Variants in MACROD2 observed in about 807,000 individuals in gnomAD.
MACROD2 encodes the protein ADP-ribose glycohydrolase MACROD2.
A neutral mutation model predicts 70.4 loss-of-function variants in MACROD2; 36 were observed. The ratio of observed to expected loss-of-function variants is 0.51; its 90% CI spans 0.39 to 0.68. The LOEUF (loss-of-function observed/expected upper bound fraction) is 0.68, where lower values mean the gene tolerates loss of function less well. MACROD2 is among the 30% of genes least tolerant of loss of function. The pLI, the probability that MACROD2 is intolerant of heterozygous loss-of-function variation, is 0.00. For missense variants in MACROD2, 496 were observed against 538.4 expected, an observed-to-expected ratio of 0.92 and a Z score of 0.78; for synonymous variants, 172 against 178.8, an observed-to-expected ratio of 0.96 and a Z score of 0.30.
chr20:15,547,814 A>G (rs2048044436), intron 8 of MACROD2, among the ~76,000 whole-genome samples: 1 of 151,984 alleles, frequency 6.6e-6, no homozygotes, highest in African/African-American at 2.4e-5. Flanking sequence ...GTGTTGATCT[A>G]GTGAAGTTTC....
chr20:15,434,426 C>T (rs1427981330), intron 7 of MACROD2, among the ~76,000 whole-genome samples: 5 of 152,000 alleles, frequency 3.3e-5, no homozygotes, highest in Non-Finnish European at 5.9e-5. Context: ...AAATGCTCAA[C>T]CTCACTAATT....
intron 8 of MACROD2, among the ~76,000 whole-genome samples, chr20:15,844,080 C>A (rs1011170914): frequency 6.6e-6 from 1 of 151,782 alleles, no homozygotes; most frequent in African/African-American, 2.4e-5. Flanking sequence ...CAAAAATGTA[C>A]ATTTCTTAAA....
chr20:15,502,236 T>G (rs976054070), intron 8 of MACROD2, among the ~76,000 whole-genome samples: 1 of 152,164 alleles, frequency 6.6e-6, no homozygotes, highest in Non-Finnish European at 1.5e-5. Flanking sequence ...AATACAGATT[T>G]GTACAATGGG....
chr20:15,048,120 T>A lies in MACROD2; in HGVS notation c.419-181820T>A, dbSNP rs370939587. On this transcript the variant is annotated intron_variant, in intron 5 of 17. Coordinates refer to ENST00000684519, the MANE Select transcript of MACROD2 (RefSeq NM_001351661.2). The stretch of plus-strand genomic sequence containing the variant: ...CTCTAGTAAATAAATAAATAAATAA[T>A]AAAAAATTAGCCAGGTGTGGTGGTG... 8.9e-3 allele frequency among the ~76,000 whole-genome samples: 907 copies of A among 102,290 alleles called. 18 individuals are homozygous for A. The highest frequency in any genetic ancestry group is 0.032 in the African/African-American group (845 of 26,606). The allele number at this position is 102,290 out of a possible 152,430, so 67.1% of individuals were successfully genotyped here.
At chr20:14,174,137 C>G (rs2081245131) in intron 3 of MACROD2, among the ~76,000 whole-genome samples, 2 of 152,074 alleles carry the variant, frequency 1.3e-5, no homozygotes, top group Non-Finnish European at 2.9e-5. Flanking sequence ...AGTGTATCAG[C>G]TAGGGTTGTA....
At chr20:14,081,449 A>C (rs1482648385) in intron 2 of MACROD2, among the ~76,000 whole-genome samples, 1 of 152,170 alleles carries the variant, frequency 6.6e-6, no homozygotes, top group East Asian at 1.9e-4. Flanking sequence ...AGAAATATAT[A>C]ATATGAAAGA....
intron 3 of MACROD2, among the ~76,000 whole-genome samples, chr20:14,352,736 G>T (rs1015285822): frequency 2.7e-5 from 4 of 150,108 alleles, no homozygotes; most frequent in Admixed American, 1.3e-4. Context: ...TCTTTTTCTC[G>T]TTCCTTAATT....
intron 8 of MACROD2, among the ~76,000 whole-genome samples, chr20:15,705,682 A>C (rs927480997): frequency 4.6e-5 from 7 of 152,222 alleles, no homozygotes; most frequent in Admixed American, 3.3e-4. Context: ...TGCTGAGATT[A>C]CAGGCACGAG....
At chr20:14,901,771 G>C (rs150113250) in intron 5 of MACROD2, among the ~76,000 whole-genome samples, 1 of 152,262 alleles carries the variant, frequency 6.6e-6, no homozygotes, top group Non-Finnish European at 1.5e-5. Flanking sequence ...GCCTGGAATA[G>C]TTTCTCTAGC....
chr20:14,088,576 CT>C (rs1187409230), intron 3 of MACROD2, among the ~76,000 whole-genome samples: 1 of 152,024 alleles, frequency 6.6e-6, no homozygotes, highest in Non-Finnish European at 1.5e-5. Flanking sequence ...TATCTACTTC[CT>C]TTTTAAATAC....
chr20:15,749,862 T>C (rs927697777), intron 8 of MACROD2, among the ~76,000 whole-genome samples: 1 of 151,956 alleles, frequency 6.6e-6, no homozygotes, highest in African/African-American at 2.4e-5. Flanking sequence ...GCTCAAATGA[T>C]TAAAGGCTTA....
chr20:15,149,965 A>G (rs1300955008), intron 5 of MACROD2, among the ~76,000 whole-genome samples: 2 of 152,062 alleles, frequency 1.3e-5, no homozygotes, highest in African/African-American at 2.4e-5. Context: ...GAGTTTATGT[A>G]ATGGTTTTGT....
chr20:14,530,050 T>A (rs933587621), intron 4 of MACROD2, among the ~76,000 whole-genome samples: 2 of 152,130 alleles, frequency 1.3e-5, no homozygotes, highest in African/African-American at 4.8e-5. Context: ...TGACCGAAGC[T>A]CATTGCCATA....
intron 8 of MACROD2, among the ~76,000 whole-genome samples, chr20:15,593,060 C>T (rs1219284195): frequency 1.3e-5 from 2 of 152,260 alleles, no homozygotes; most frequent in East Asian, 1.9e-4. Flanking sequence ...CACAAACCAA[C>T]CCGGGCTGCA....
At chr20:14,528,808 T>C (rs2085267970) in intron 4 of MACROD2, among the ~76,000 whole-genome samples, 1 of 152,162 alleles carries the variant, frequency 6.6e-6, no homozygotes, top group Non-Finnish European at 1.5e-5. Flanking sequence ...AACCAACACT[T>C]ACAGAGTAAT....
At chr20:15,384,819 T>C (rs1035336043) in intron 6 of MACROD2, among the ~76,000 whole-genome samples, 6 of 152,184 alleles carry the variant, frequency 3.9e-5, no homozygotes, top group Non-Finnish European at 7.3e-5. Flanking sequence ...TTTATAGAAC[T>C]ATCATTCACT....
chr20:14,818,825 G>GTTTTT lies in MACROD2; in HGVS notation c.418+133888_418+133892dup, dbSNP rs754477468. Among the ~76,000 whole-genome samples the GTTTTT allele has an allele frequency of 3.8e-3, 300 of 78,382 alleles. 51 individuals carry two copies. Among genetic ancestry groups the GTTTTT allele is most frequent in the African/African-American group, 0.015 (282 of 18,600 alleles). 51.4% of individuals were successfully genotyped at this position (78,382 alleles called of 152,430 possible). A position where few individuals can be genotyped will look rare whatever the true frequency, so the allele number is the denominator to read the frequency against. On this transcript the variant is annotated intron_variant, in intron 5 of 17. Coordinates refer to ENST00000684519, the MANE Select transcript of MACROD2 (RefSeq NM_001351661.2). ...GATTGTTTTTGTTTCTCTTCCTTAG[G>GTTTTT]TTTTTTTTTTTTTTTTTTTTTTTTT...
chr20:14,447,118 A>G (rs1015331595), intron 3 of MACROD2, among the ~76,000 whole-genome samples: 1 of 152,034 alleles, frequency 6.6e-6, no homozygotes, highest in African/African-American at 2.4e-5. Flanking sequence ...TCCCGAGTTC[A>G]AGTGATTCTC....
intron 3 of MACROD2, among the ~76,000 whole-genome samples, chr20:14,336,862 C>A (rs775424911): frequency 2.0e-5 from 3 of 152,176 alleles, no homozygotes; most frequent in African/African-American, 7.2e-5. Context: ...GATAGCAGTG[C>A]AAGCTTTAAA....
Sources: gnomAD v4.1 joint callset for allele counts (sites outside exome capture counted in the v4.1 genomes callset) on GRCh38, gnomAD v4.1.1 for gene constraint, MANE v1.5 for transcripts, NCBI Gene and HGNC (gene_info 2026-07-23, HGNC 2026-07-21) for gene names.